ZNF304: variants seen among roughly 807,000 people sequenced by gnomAD.
The protein encoded by ZNF304 is KRAB-containing zinc finger protein.
In ZNF304, 7 loss-of-function variants were observed where a neutral mutation model predicts 7.8. The ratio of observed to expected loss-of-function variants is 0.90; its 90% CI spans 0.51 to 1.69. ZNF304 has a LOEUF of 1.69. Among genes scored for constraint, ZNF304 ranks in the 40% most tolerant of loss-of-function variants. The pLI is 0.00. For missense variants in ZNF304, 669 were observed against 804.8 expected (o/e 0.83, Z 2.04); for synonymous variants, 280 against 272.4 (o/e 1.03, Z -0.27).
chr19:57,357,873 AAGG>A lies in ZNF304; in HGVS notation c.*25_*27del. The A allele has an allele frequency of 1.9e-6, 3 of 1,569,954 alleles. No homozygotes were observed. The South Asian group carries it at 3.6e-5, about 19-fold the overall frequency. On this transcript the variant is annotated 3_prime_UTR_variant, in exon 3 of 3. Transcript: ENST00000282286. ...AACACCAGAAAATTCACACAAGAGAAAGGCCTTATGAATGCAGAAAATATGTCA... is the reference window on the plus strand; with the variant it reads ...AACACCAGAAAATTCACACAAGAGAACCTTATGAATGCAGAAAATATGTCA...
Position 57,356,519 on chromosome 19 carries a change from A to G in ZNF304, c.650A>G (p.Tyr217Cys), listed in dbSNP as rs776986133. 8 of 1,614,098 alleles carry G rather than the reference A, an allele frequency of 5.0e-6. No homozygotes were observed. In the East Asian group the frequency reaches 1.3e-4, roughly 27 times the overall value. ...AGTCTCAGGCAACACCAAGGAGACT[A>G]TGATGGACAGATGCTTTTCAGTTGC... The part of the protein sequence containing the change: ...SSSLRQHQGD[Y>C]DGQMLFSCGD... The change falls in exon 3 of 3, where the codon TAT becomes TGT. Residue 217 changes from tyrosine (Y) to cysteine (C), a missense_variant. Tyr to Cys is a radical substitution (Grantham distance 194, BLOSUM62 -2). Transcript: ENST00000282286.
Position 57,351,757 on chromosome 19 carries a change from C to T in ZNF304, c.33+60C>T. The T allele has an allele frequency of 6.5e-7, 1 of 1,545,844 alleles. No homozygotes were observed. ...TGGTTGGTGTGTCCTGGGATGTTCG[C>T]TCTCATCGCGCACTTCAGGGTGCTC... On this transcript the variant is annotated intron_variant, in intron 1 of 2. Transcript: ENST00000282286. The surrounding 1 kb of genome is among the most constrained non-coding windows in gnomAD (Gnocchi z 4.1).
chr19:57,357,463 G>A lies in ZNF304; in HGVS notation c.1594G>A (p.Glu532Lys). 6.2e-7 allele frequency: 1 copy of A among 1,614,138 alleles called. No homozygotes were observed. Among genetic ancestry groups the A allele is most frequent in the Non-Finnish European group, 8.5e-7 (1 of 1,180,008 alleles). Residue 532 changes from glutamate (E) to lysine (K), a missense_variant, in exon 3 of 3, where the codon GAG becomes AAG. Physicochemically the swap from Glu to Lys is moderately conservative, Grantham distance 56 (BLOSUM62 1). Coordinates refer to ENST00000282286, the MANE Select transcript of ZNF304 (RefSeq NM_020657.4). ...AATTCACACTGGAGCAAAGCCTTAT[G>A]AGTGCAATGAATGTGGGAAATGCTT... ...QRIHTGAKPY[E>K]CNECGKCFSH...
At chr19:57,354,002 TTTTTTG>T in intron 2 of ZNF304, 151 bp downstream of exon 2, 2 of 579,052 alleles carry the variant, frequency 3.5e-6, no homozygotes, top group Non-Finnish European at 5.7e-6. Context: ...TGAGGGTTTT[TTTTTTG>T]TTTTTTGTTT....
chr19:57,353,805 G>A lies in ZNF304; in HGVS notation c.114G>A (p.Leu38=), dbSNP rs1226753745. 2.5e-6 allele frequency: 4 copies of A among 1,613,070 alleles called. No homozygotes were observed. The highest frequency in any genetic ancestry group is 1.7e-5 in the Admixed American group (1 of 59,854). The change falls in exon 2 of 3, where the codon CTG becomes CTA. Residue 38 remains leucine, a synonymous_variant. Transcript: ENST00000282286. The stretch of plus-strand genomic sequence containing the variant: ...TCCTTGAGGAGGCACAGAGATTCCT[G>A]TACCGTGATGTGATGCTGGAGAACT... ...WELLEEAQRF[L]YRDVMLENFA... is the part of the protein sequence containing the mutation.
chr19:57,353,962 GGTTAGAGCATTTT>G, intron 2 of ZNF304, 111 bp downstream of exon 2: 2 of 884,412 alleles, frequency 2.3e-6, no homozygotes, highest in Non-Finnish European at 3.3e-6. Flanking sequence ...TTGGTAATCT[GGTTAGAGCATTTT>G]TTGTTGTTTA....
Position 57,351,710 on chromosome 19 carries a change from A to G in ZNF304, c.33+13A>G. On this transcript the variant is annotated intron_variant, in intron 1 of 2. Coordinates refer to ENST00000282286, the MANE Select transcript of ZNF304 (RefSeq NM_020657.4). This position sits in a 1 kb window ranked among gnomAD's most constrained non-coding sequence, Gnocchi z 4.1. ...GGACCGGGTTCAGGTGAGTGGGGGC[A>G]TCCCTCAAGCGCACCCCGGCCTGGT... 1 of 1,610,380 alleles carries G rather than the reference A, an allele frequency of 6.2e-7. No homozygotes were observed. The highest frequency in any genetic ancestry group is 8.5e-7 in the Non-Finnish European group (1 of 1,178,094).
chr19:57,351,596 G>A lies in ZNF304; in HGVS notation c.-69G>A. ...TTGGAGTGCTACACTCAGCCCGAGGGCGTCCAGCGCGGTGGAGGCGTGGGG... is the reference window on the plus strand; with the variant it reads ...TTGGAGTGCTACACTCAGCCCGAGGACGTCCAGCGCGGTGGAGGCGTGGGG... On this transcript the variant is annotated 5_prime_UTR_variant, in exon 1 of 3. Coordinates refer to ENST00000282286, the MANE Select transcript of ZNF304 (RefSeq NM_020657.4). This position sits in a 1 kb window ranked among gnomAD's most constrained non-coding sequence, Gnocchi z 4.1. The A allele has an allele frequency of 1.3e-6, 2 of 1,591,172 alleles. No individual in the cohort carries two copies. Among genetic ancestry groups the A allele is most frequent in the Non-Finnish European group, 1.7e-6 (2 of 1,162,648 alleles).
chr19:57,351,302 G>A lies in ZNF304; in HGVS notation c.-363G>A, dbSNP rs1439416828. On this transcript the variant is annotated 5_prime_UTR_variant, in exon 1 of 3. Coordinates refer to ENST00000282286, the MANE Select transcript of ZNF304 (RefSeq NM_020657.4). The surrounding 1 kb of genome is among the most constrained non-coding windows in gnomAD (Gnocchi z 4.1). ...TTCCTATGCCCGGTCCGTGCATTCT[G>A]GTTGTGAAGGCTGAGTTCTAGAGAT... The A allele has an allele frequency of 3.5e-6, 1 of 287,948 alleles. No individual in the cohort carries two copies. The highest frequency in any genetic ancestry group is 6.6e-6 in the Non-Finnish European group (1 of 152,246). The allele number at this position is 287,948 out of a possible 1,614,324, so 17.8% of individuals were successfully genotyped here. A position where few individuals can be genotyped will look rare whatever the true frequency, so the allele number is the denominator to read the frequency against.
rs1482138855 is a variant in ZNF304 at position 57,357,950 on chromosome 19, C to T, written c.*101C>T. 3 of 1,436,156 alleles carry T rather than the reference C, an allele frequency of 2.1e-6. No individual in the cohort carries two copies. The highest frequency in any genetic ancestry group is 2.8e-5 in the South Asian group (2 of 71,838). The allele number at this position is 1,436,156 out of a possible 1,614,324, so 89.0% of individuals were successfully genotyped here. A position where few individuals can be genotyped will look rare whatever the true frequency, so the allele number is the denominator to read the frequency against. On this transcript the variant is annotated 3_prime_UTR_variant, in exon 3 of 3. Coordinates refer to ENST00000282286, the MANE Select transcript of ZNF304 (RefSeq NM_020657.4). ...ACACCAGAGCAATGCTCTGTGAGTA[C>T]CCTTTGTGAGGGAACCATCAGCTAG...
Position 57,357,634 on chromosome 19 carries a change from T to A in ZNF304, c.1765T>A (p.Cys589Ser). ...KVHTGARPYE[C>S]SECGKFFSRN... The stretch of plus-strand genomic sequence containing the variant: ...TCACACTGGAGCAAGACCTTATGAG[T>A]GCAGTGAATGTGGGAAATTCTTTAG... The change falls in exon 3 of 3, where the codon TGC (cysteine) becomes AGC (serine). Residue 589 changes from cysteine (C) to serine (S), a missense_variant. Coordinates refer to ENST00000282286, the MANE Select transcript of ZNF304 (RefSeq NM_020657.4). 6.2e-7 allele frequency: 1 copy of A among 1,614,146 alleles called. No homozygotes were observed. The highest frequency in any genetic ancestry group is 8.5e-7 in the Non-Finnish European group (1 of 1,179,992).
chr19:57,353,920 T>A, intron 2 of ZNF304, 69 bp downstream of exon 2: 2 of 1,250,468 alleles, frequency 1.6e-6, no homozygotes, highest in East Asian at 5.0e-5. Flanking sequence ...CTGCAAACAA[T>A]AAAAATCAAT....
rs781380202 is a variant in ZNF304 at position 57,356,131 on chromosome 19, G to T, written c.262G>T (p.Ala88Ser). 80 of 1,614,108 alleles carry T rather than the reference G, an allele frequency of 5.0e-5. No homozygotes were observed. The highest frequency in any genetic ancestry group is 6.6e-5 in the Non-Finnish European group (78 of 1,180,052). Residue 88 changes from alanine (A) to serine (S), a missense_variant, in exon 3 of 3, where the codon GCA becomes TCA. Coordinates refer to ENST00000282286, the MANE Select transcript of ZNF304 (RefSeq NM_020657.4). Reference protein sequence around the residue: ...RTAESGLFQKAHPCEMCDPLL... With the variant: ...RTAESGLFQKSHPCEMCDPLL... The stretch of plus-strand genomic sequence containing the variant: ...TGCTGAGTCAGGTCTTTTCCAGAAA[G>T]CACACCCATGTGAGATGTGTGACCC...
In ZNF304 at chr19:57,356,578, A is replaced by G; in HGVS notation, c.709A>G (p.Thr237Ala). Residue 237 changes from threonine (T) to alanine (A), a missense_variant, in exon 3 of 3, where the codon ACT (threonine) becomes GCT (alanine). Transcript: ENST00000282286. ...AGGGAAAGCCTTCCTGGACACCTTT[A>G]CTCTTCTTGACAGCCAGATGACTCA... is the stretch of plus-strand genomic sequence containing the variant. ...DEGKAFLDTF[T>A]LLDSQMTHAE... 6.2e-7 allele frequency: 1 copy of G among 1,613,818 alleles called. No individual in the cohort carries two copies. Among genetic ancestry groups the G allele is most frequent in the Non-Finnish European group, 8.5e-7 (1 of 1,179,976 alleles).
Position 57,358,059 on chromosome 19 carries a change from G to A in ZNF304, c.*210G>A. 1 of 600,490 alleles carries A rather than the reference G, an allele frequency of 1.7e-6. No individual in the cohort carries two copies. The highest frequency in any genetic ancestry group is 2.8e-6 in the Non-Finnish European group (1 of 353,376). 37.2% of individuals were successfully genotyped at this position (600,490 alleles called of 1,614,324 possible). ...GTGGGAGGCTTTCATGAGGTGTGTT[G>A]CACTTTGTAACTGTCTAGAGCTCTT... On this transcript the variant is annotated 3_prime_UTR_variant, in exon 3 of 3. Coordinates refer to ENST00000282286, the MANE Select transcript of ZNF304 (RefSeq NM_020657.4).
chr19:57,351,592 G>A lies in ZNF304; in HGVS notation c.-73G>A, dbSNP rs1343753435. On this transcript the variant is annotated 5_prime_UTR_variant, in exon 1 of 3. Coordinates refer to ENST00000282286, the MANE Select transcript of ZNF304 (RefSeq NM_020657.4). The surrounding 1 kb of genome is among the most constrained non-coding windows in gnomAD (Gnocchi z 4.1). The stretch of plus-strand genomic sequence containing the variant: ...AGACTTGGAGTGCTACACTCAGCCC[G>A]AGGGCGTCCAGCGCGGTGGAGGCGT... 3.8e-6 allele frequency: 6 copies of A among 1,586,732 alleles called. No homozygotes were observed. The highest frequency in any genetic ancestry group is 4.3e-6 in the Non-Finnish European group (5 of 1,159,064).
Position 57,351,752 on chromosome 19 carries a change from G to A in ZNF304, c.33+55G>A. On this transcript the variant is annotated intron_variant, in intron 1 of 2. Coordinates refer to ENST00000282286, the MANE Select transcript of ZNF304 (RefSeq NM_020657.4). This position sits in a 1 kb window ranked among gnomAD's most constrained non-coding sequence, Gnocchi z 4.1. ...CGGCCTGGTTGGTGTGTCCTGGGATGTTCGCTCTCATCGCGCACTTCAGGG... is the reference window on the plus strand; with the variant it reads ...CGGCCTGGTTGGTGTGTCCTGGGATATTCGCTCTCATCGCGCACTTCAGGG... 3 of 1,553,490 alleles carry A rather than the reference G, an allele frequency of 1.9e-6. No individual in the cohort carries two copies. The highest frequency in any genetic ancestry group is 2.3e-5 in the East Asian group (1 of 43,036).
At chr19:57,355,795 C>T (rs530659166) in intron 2 of ZNF304, among the ~76,000 whole-genome samples, 1 of 152,362 alleles carries the variant, frequency 6.6e-6, no homozygotes, top group South Asian at 2.1e-4. Context: ...GTAGAGGCTT[C>T]ACCTATACTC....
intron 1 of ZNF304, among the ~76,000 whole-genome samples, chr19:57,353,291 C>T (rs573341421): frequency 4.5e-4 from 68 of 152,190 alleles, no homozygotes; most frequent in Middle Eastern, 3.4e-3. Flanking sequence ...GTGGGGATCT[C>T]AGATGTGAGG....
Sources: gnomAD v4.1 joint callset for allele counts (sites outside exome capture counted in the v4.1 genomes callset) on GRCh38, gnomAD v4.1.1 for gene constraint, Gnocchi (gnomAD v3.1) non-coding constraint, MANE v1.5 for transcripts, NCBI Gene and HGNC (gene_info 2026-07-23, HGNC 2026-07-21) for gene names.